The following RPTOR variants were observed in gnomAD, a reference collection of about 807,000 sequenced individuals.
RPTOR encodes regulatory-associated protein of mTOR.
In RPTOR, 21 loss-of-function variants were observed where a neutral mutation model predicts 169.9. The ratio of observed to expected loss-of-function variants is 0.12; its 90% CI spans 0.09 to 0.18. RPTOR has a LOEUF of 0.18. Among genes scored for constraint, RPTOR ranks in the 10% least tolerant of loss-of-function variants. RPTOR has a pLI of 1.00. For synonymous variants in RPTOR, 732 were observed against 753.2 expected (o/e 0.97, Z 0.46); for missense variants, 1,133 against 1,855.9 (o/e 0.61, Z 7.16).
chr17:80,582,917 T>C (rs1599574052), intron 1 of RPTOR, among the ~76,000 whole-genome samples: 2 of 92,714 alleles, frequency 2.2e-5, no homozygotes, highest in Admixed American at 2.2e-4. Flanking sequence ...TTTTTTTTTC[T>C]TTTTTTTTTT....
chr17:80,957,774 T>C lies in RPTOR; in HGVS notation c.3477+44T>C. On this transcript the variant is annotated intron_variant, in intron 29 of 33. Transcript: ENST00000306801. The surrounding 1 kb of genome is among the most constrained non-coding windows in gnomAD (Gnocchi z 4.6). ...CCCAAGCCCTGGGCCTGTGGGGCAG[T>C]GTGTGCAGGGCTGGTCCTCGTCACA... 4 of 1,547,682 alleles carry C rather than the reference T, an allele frequency of 2.6e-6. No individual in the cohort carries two copies. The highest frequency in any genetic ancestry group is 3.6e-6 in the Non-Finnish European group (4 of 1,120,150).
chr17:80,634,585 G>C (rs866856880), intron 2 of RPTOR, among the ~76,000 whole-genome samples: 1 of 66,536 alleles, frequency 1.5e-5, no homozygotes, highest in Non-Finnish European at 2.7e-5. Flanking sequence ...GTGTGTGTGC[G>C]TACTGTGTGT....
intron 24 of RPTOR, among the ~76,000 whole-genome samples, chr17:80,937,192 A>G (rs185781614): frequency 2.6e-5 from 4 of 152,210 alleles, no homozygotes; most frequent in African/African-American, 9.6e-5. Flanking sequence ...GTGAGCGTTT[A>G]ATGTGTTAGC....
In RPTOR at chr17:80,743,287, G is replaced by T. The variant is rs570487784; in HGVS notation, c.655-10723G>T. 14 of 985,538 alleles carry T rather than the reference G, an allele frequency of 1.4e-5. No homozygotes were observed. The South Asian group carries it at 5.6e-4, about 40-fold the overall frequency. The allele number at this position is 985,538 out of a possible 1,614,324, so 61.0% of individuals were successfully genotyped here. On this transcript the variant is annotated intron_variant, in intron 5 of 33. Transcript: ENST00000306801. ...GATGATGAACAAAATGTTTCCGGGGGTGAAGGCACCCATCTGGCAGGGGGC... is the reference window on the plus strand; with the variant it reads ...GATGATGAACAAAATGTTTCCGGGGTTGAAGGCACCCATCTGGCAGGGGGC...
chr17:80,830,182 CT>C (rs1313798603), intron 9 of RPTOR, among the ~76,000 whole-genome samples: 5 of 152,200 alleles, frequency 3.3e-5, no homozygotes, highest in Non-Finnish European at 7.3e-5. Context: ...CTTCTCTGTT[CT>C]GTGGCATCTT....
chr17:80,829,650 G>C (rs1306343682), intron 9 of RPTOR, among the ~76,000 whole-genome samples: 1 of 152,150 alleles, frequency 6.6e-6, no homozygotes, highest in African/African-American at 2.4e-5. Flanking sequence ...CGTAGACATG[G>C]CAGTGCCGCG....
At chr17:80,855,868 A>G (rs2067846795) in intron 12 of RPTOR, among the ~76,000 whole-genome samples, 1 of 152,146 alleles carries the variant, frequency 6.6e-6, no homozygotes, top group African/African-American at 2.4e-5. Context: ...GCGGAGGAGC[A>G]GGGCGCCCCT....
At chr17:80,663,647 C>T (rs997848775) in intron 3 of RPTOR, among the ~76,000 whole-genome samples, 1 of 152,082 alleles carries the variant, frequency 6.6e-6, no homozygotes, top group Non-Finnish European at 1.5e-5. Flanking sequence ...ATCTATTTAC[C>T]GTGTGGAAAA....
At chr17:80,931,301 A>C (rs2068894291) in intron 24 of RPTOR, among the ~76,000 whole-genome samples, 1 of 152,212 alleles carries the variant, frequency 6.6e-6, no homozygotes, top group African/African-American at 2.4e-5. Flanking sequence ...AGGGAAGGGA[A>C]GAGGTGCCTC....
At chr17:80,930,513 T>TCATCC (rs1208594499) in intron 24 of RPTOR, among the ~76,000 whole-genome samples, 5 of 26,790 alleles carry the variant, frequency 1.9e-4, no homozygotes, top group South Asian at 1.3e-3. Context: ...TCAGCTCATC[T>TCATCC]TCAGCTTATC....
intron 11 of RPTOR, among the ~76,000 whole-genome samples, chr17:80,849,267 T>C (rs1173269356): frequency 6.6e-6 from 1 of 152,212 alleles, no homozygotes; most frequent in Non-Finnish European, 1.5e-5. Flanking sequence ...TCTCACTCGC[T>C]TCCGGTTTTC....
At chr17:80,950,397 G>T (rs1598420429) in intron 28 of RPTOR, among the ~76,000 whole-genome samples, 1 of 152,170 alleles carries the variant, frequency 6.6e-6, no homozygotes, top group Non-Finnish European at 1.5e-5. Flanking sequence ...GCATGGCTCT[G>T]TCTCCGCCCT....
At chr17:80,695,000 A>AG (rs1429826208) in intron 3 of RPTOR, among the ~76,000 whole-genome samples, 5 of 152,102 alleles carry the variant, frequency 3.3e-5, no homozygotes, top group African/African-American at 1.2e-4. Context: ...GGGTGTCATC[A>AG]GGGTAGTGAG....
At chr17:80,880,584 A>G in intron 14 of RPTOR, 95 bp downstream of exon 14, 2 of 1,213,036 alleles carry the variant, frequency 1.6e-6, no homozygotes, top group East Asian at 2.5e-5. Context: ...GACGGGGGCT[A>G]CAGGAGAAAG....
chr17:80,571,198 C>G (rs917352038), intron 1 of RPTOR, among the ~76,000 whole-genome samples: 3 of 152,192 alleles, frequency 2.0e-5, no homozygotes, highest in Admixed American at 6.5e-5. Context: ...GTTAATTATA[C>G]AGAAATCCTC....
intron 3 of RPTOR, among the ~76,000 whole-genome samples, chr17:80,706,832 G>A (rs2066145813): frequency 1.3e-5 from 2 of 152,196 alleles, no homozygotes; most frequent in African/African-American, 2.4e-5. Flanking sequence ...TCTTAAGAAT[G>A]TTGACTCAGC....
chr17:80,784,179 C>T (rs2066968612), intron 6 of RPTOR, among the ~76,000 whole-genome samples: 2 of 151,612 alleles, frequency 1.3e-5, no homozygotes, highest in African/African-American at 4.9e-5. Context: ...GCCTCACACT[C>T]GTGTCCTCAA....
intron 2 of RPTOR, among the ~76,000 whole-genome samples, chr17:80,634,304 C>CGTACTGTGTGCGTGT (rs2065470943): frequency 8.8e-6 from 1 of 114,152 alleles, no homozygotes; most frequent in Non-Finnish European, 1.7e-5. Flanking sequence ...TGTGTGTGTG[C>CGTACTGTGTGCGTGT]GTACTGTGCG....
At chr17:80,680,017 G>C (rs2065886734) in intron 3 of RPTOR, among the ~76,000 whole-genome samples, 1 of 152,184 alleles carries the variant, frequency 6.6e-6, no homozygotes, top group African/African-American at 2.4e-5. Context: ...CATGGTCCCT[G>C]TCCTGGAGAG....
Sources: allele counts gnomAD v4.1 joint callset (sites outside exome capture counted in the v4.1 genomes callset), GRCh38; gene constraint gnomAD v4.1.1; non-coding constraint Gnocchi (gnomAD v3.1); transcripts MANE v1.5; gene names NCBI Gene and HGNC (gene_info 2026-07-23, HGNC 2026-07-21).